DAPK2: variants seen among roughly 807,000 people sequenced by gnomAD.
DAPK2 encodes death associated protein kinase 2.
DAPK2 carries 35 observed loss-of-function variants against 44.1 expected under a neutral mutation model. The ratio of observed to expected loss-of-function variants is 0.79; its 90% CI spans 0.61 to 1.05. The LOEUF (loss-of-function observed/expected upper bound fraction) is 1.05, where lower values mean the gene tolerates loss of function less well. DAPK2 is among the 50% of genes least tolerant of loss of function. The probability of loss-of-function intolerance (pLI) is 0.00; values close to 1 mark genes in which losing one functional copy is unlikely to be tolerated. For synonymous variants in DAPK2, 174 were observed against 182.6 expected, an observed-to-expected ratio of 0.95 and a Z score of 0.38; for missense variants, 453 against 483.2, an observed-to-expected ratio of 0.94 and a Z score of 0.59.
intron 3 of DAPK2, among the ~76,000 whole-genome samples, chr15:63,950,122 G>C (rs1474318610): frequency 1.1e-4 from 17 of 152,110 alleles, no homozygotes; most frequent in Admixed American, 1.1e-3. Flanking sequence ...AATAGCTCCA[G>C]GCATAAGTTC....
intron 6 of DAPK2, chr15:63,928,203 G>T (rs1015921079): frequency 6.6e-6 from 1 of 152,640 alleles, no homozygotes. Context: ...CCTAGCAATT[G>T]TGATATAATA....
At chr15:63,991,343 G>A (rs1474955790) in intron 1 of DAPK2, 1 of 456,116 alleles carries the variant, frequency 2.2e-6, no homozygotes, top group Non-Finnish European at 4.4e-6. Flanking sequence ...CAGAATGCCA[G>A]CCAAGAACCT....
At position 64,013,595 on chromosome 15, in the gene DAPK2, T is replaced by G. The variant is rs770860987; in HGVS notation, c.92+26575A>C. On this transcript the variant is annotated intron_variant, in intron 1 of 10. Transcript: ENST00000261891. This position sits in a 1 kb window ranked among gnomAD's most constrained non-coding sequence, Gnocchi z 4.7. The stretch of plus-strand genomic sequence containing the variant: ...AAAGGCCCTGAGATACCATCTAGCC[T>G]AACCCTCACATTGCCAGAGAAGGAA... 2.6e-5 allele frequency among the ~76,000 whole-genome samples: 4 copies of G among 152,208 alleles called. No individual in the cohort carries two copies. The highest frequency in any genetic ancestry group is 5.9e-5 in the Non-Finnish European group (4 of 68,036).
chr15:63,914,865 A>C (rs146165407), intron 8 of DAPK2, among the ~76,000 whole-genome samples: 1 of 152,160 alleles, frequency 6.6e-6, no homozygotes, highest in Non-Finnish European at 1.5e-5. Flanking sequence ...TAGCAAGCCA[A>C]CTTCCCCCAT....
chr15:63,959,523 C>A (rs2077824759), intron 3 of DAPK2, among the ~76,000 whole-genome samples: 1 of 152,222 alleles, frequency 6.6e-6, no homozygotes, highest in Non-Finnish European at 1.5e-5. Flanking sequence ...TTTTGAGACA[C>A]GTCCCATCAA....
chr15:63,934,617 G>A (rs2077085136), intron 4 of DAPK2, among the ~76,000 whole-genome samples: 1 of 152,128 alleles, frequency 6.6e-6, no homozygotes, highest in Admixed American at 6.6e-5. Flanking sequence ...GAGTACAGTG[G>A]TGTTATCTCA....
At chr15:64,023,075 C>G (rs2079738556) in intron 1 of DAPK2, among the ~76,000 whole-genome samples, 1 of 152,196 alleles carries the variant, frequency 6.6e-6, no homozygotes. Context: ...GCCATCTTAA[C>G]TTACTCATCC....
chr15:63,950,770 A>C (rs1357903946), intron 3 of DAPK2, among the ~76,000 whole-genome samples: 11 of 152,170 alleles, frequency 7.2e-5, no homozygotes, highest in Non-Finnish European at 1.5e-4. Flanking sequence ...TGGGCAAGTT[A>C]CTTAACCTCT....
intron 4 of DAPK2, chr15:63,935,815 T>A (rs1231865425): frequency 1.3e-5 from 2 of 152,206 alleles, no homozygotes; most frequent in South Asian, 2.1e-4. Context: ...CATATTTCTA[T>A]GTCTTTGTCA....
intron 8 of DAPK2, chr15:63,922,709 A>G (rs766706856): frequency 6.7e-7 from 1 of 1,495,556 alleles, no homozygotes; most frequent in South Asian, 1.3e-5. Flanking sequence ...ACCTCTTGGG[A>G]TGCATCACTG....
chr15:63,954,761 T>C (rs191043759), intron 3 of DAPK2, among the ~76,000 whole-genome samples: 60 of 152,352 alleles, frequency 3.9e-4, no homozygotes, highest in Admixed American at 7.2e-4. Flanking sequence ...ATTTTAACAA[T>C]ATTAATTCTT....
At chr15:63,948,580 C>T (rs2077510701) in intron 3 of DAPK2, among the ~76,000 whole-genome samples, 1 of 152,162 alleles carries the variant, frequency 6.6e-6, no homozygotes, top group South Asian at 2.1e-4. Context: ...CCATCTCCAA[C>T]ACTGAGGATC....
At position 63,924,865 on chromosome 15, in the gene DAPK2, C is replaced by A. The variant is rs754653557; in HGVS notation, c.813-4G>T. On this transcript the variant is annotated splice_region_variant and splice_polypyrimidine_tract_variant and intron_variant, in intron 7 of 10. Transcript: ENST00000261891. ...CTCTTGGATTGTGAGCCGTTTCCTGCAATGAGGATTGGGAAACAGTGATGA... is the reference window on the plus strand; with the variant it reads ...CTCTTGGATTGTGAGCCGTTTCCTGAAATGAGGATTGGGAAACAGTGATGA... The A allele has an allele frequency of 5.0e-6, 8 of 1,613,968 alleles. No individual in the cohort carries two copies. The Admixed American group carries it at 1.0e-4, about 20-fold the overall frequency.
At chr15:63,984,594 C>T (rs2078620351) in intron 1 of DAPK2, among the ~76,000 whole-genome samples, 1 of 152,220 alleles carries the variant, frequency 6.6e-6, no homozygotes, top group Non-Finnish European at 1.5e-5. Context: ...AGATCTAAGT[C>T]CTCAGAGACT....
chr15:63,982,450 A>C (rs1481512824), intron 2 of DAPK2, among the ~76,000 whole-genome samples: 1 of 152,100 alleles, frequency 6.6e-6, no homozygotes, highest in East Asian at 1.9e-4. Context: ...GGCCTCCCAA[A>C]GTGCTAGGAT....
At chr15:63,964,910 A>T (rs2078011833) in intron 3 of DAPK2, among the ~76,000 whole-genome samples, 1 of 152,148 alleles carries the variant, frequency 6.6e-6, no homozygotes, top group Non-Finnish European at 1.5e-5. Context: ...TCTCTGTCTG[A>T]AAGGTCACAT....
chr15:63,972,128 A>T (rs2078230702), intron 2 of DAPK2, among the ~76,000 whole-genome samples: 1 of 152,234 alleles, frequency 6.6e-6, no homozygotes, highest in African/African-American at 2.4e-5. Flanking sequence ...GTGAACCTTC[A>T]TCTTGATCTT....
chr15:64,022,099 A>G (rs1191480781), intron 1 of DAPK2, among the ~76,000 whole-genome samples: 2 of 152,202 alleles, frequency 1.3e-5, no homozygotes, highest in South Asian at 4.1e-4. Flanking sequence ...GGGAAGGGAA[A>G]CATATTAGAA....
chr15:64,043,127 T>C (rs185215564), upstream of DAPK2, among the ~76,000 whole-genome samples: 1 of 152,204 alleles, frequency 6.6e-6, no homozygotes, highest in East Asian at 1.9e-4. Context: ...ATTCCTTCCA[T>C]GGAAAATGAA....
Sources: gnomAD v4.1 joint callset for allele counts (sites outside exome capture counted in the v4.1 genomes callset) on GRCh38, gnomAD v4.1.1 for gene constraint, Gnocchi (gnomAD v3.1) non-coding constraint, MANE v1.5 for transcripts, NCBI Gene and HGNC (gene_info 2026-07-23, HGNC 2026-07-21) for gene names.